The following ITGA8 variants were observed in gnomAD, a reference collection of about 807,000 sequenced individuals.
The protein encoded by ITGA8 is integrin subunit alpha 8, also known as integrin alpha-8.
ITGA8 carries 91 observed loss-of-function variants against 142.3 expected under a neutral mutation model. That is an observed-to-expected ratio of 0.64 (90% CI 0.54 to 0.76). ITGA8 has a LOEUF of 0.76. Among genes scored for constraint, ITGA8 ranks in the 30% least tolerant of loss-of-function variants. The pLI, the probability that ITGA8 is intolerant of heterozygous loss-of-function variation, is 0.00. For missense variants in ITGA8, 1,406 were observed against 1,327.7 expected (o/e 1.06, Z -0.92); for synonymous variants, 505 against 485.2 (o/e 1.04, Z -0.54).
chr10:15,564,989 A>G (rs1002498343), intron 25 of ITGA8, among the ~76,000 whole-genome samples: 1 of 152,236 alleles, frequency 6.6e-6, no homozygotes, highest in African/African-American at 2.4e-5. Context: ...GCAAAGCACA[A>G]CTAAAAGAAT....
chr10:15,647,816 CCTTTT>C (rs1834015462), intron 11 of ITGA8, among the ~76,000 whole-genome samples: 2 of 152,266 alleles, frequency 1.3e-5, no homozygotes, highest in Admixed American at 6.5e-5. Flanking sequence ...CCTTCCCTTT[CCTTTT>C]GTTAGCTCAA....
At chr10:15,558,315 G>A in intron 25 of ITGA8, 113 bp from the exon 26 acceptor site, 1 of 1,229,002 alleles carries the variant, frequency 8.1e-7, no homozygotes, top group Non-Finnish European at 1.1e-6. Context: ...TGATTCACAT[G>A]AGGATCCAGA....
chr10:15,583,638 T>C (rs1042776518), intron 23 of ITGA8, among the ~76,000 whole-genome samples: 1 of 152,132 alleles, frequency 6.6e-6, no homozygotes, highest in Non-Finnish European at 1.5e-5. Context: ...CATAACATTA[T>C]AGATCATTCC....
intron 6 of ITGA8, among the ~76,000 whole-genome samples, chr10:15,675,258 A>C (rs1177566173): frequency 6.6e-6 from 1 of 152,220 alleles, no homozygotes; most frequent in East Asian, 1.9e-4. Flanking sequence ...ACAACAGAAC[A>C]AGAAGTAAAC....
intron 4 of ITGA8, among the ~76,000 whole-genome samples, chr10:15,683,304 C>CCCATCCACCCAT (rs1376464136): frequency 1.9e-4 from 2 of 10,402 alleles, no homozygotes; most frequent in African/African-American, 4.2e-4. Flanking sequence ...CACCCATCCA[C>CCCATCCACCCAT]CCACCCACCC....
intron 4 of ITGA8, 70 bp downstream of exon 4, chr10:15,683,934 A>AG: frequency 1.3e-6 from 2 of 1,574,056 alleles, no homozygotes; most frequent in Admixed American, 1.8e-5. Context: ...TTTTGAGCCT[A>AG]CCTGCACTCC....
At chr10:15,681,932 G>A (rs1834745153) in intron 4 of ITGA8, among the ~76,000 whole-genome samples, 1 of 152,070 alleles carries the variant, frequency 6.6e-6, no homozygotes, top group Non-Finnish European at 1.5e-5. Flanking sequence ...CTTTGTTATT[G>A]TTTGTGGGAT....
intron 27 of ITGA8, among the ~76,000 whole-genome samples, chr10:15,540,674 T>A (rs1038701467): frequency 2.0e-5 from 3 of 152,166 alleles, no homozygotes; most frequent in African/African-American, 7.2e-5. Flanking sequence ...ATTCTTCTGG[T>A]GAATGGGCTG....
At chr10:15,602,436 TA>T (rs908323452) in intron 20 of ITGA8, among the ~76,000 whole-genome samples, 3 of 152,044 alleles carry the variant, frequency 2.0e-5, no homozygotes, top group South Asian at 2.1e-4. Context: ...TGAAGAGGAT[TA>T]AAAAAAATCA....
At chr10:15,531,877 G>A (rs1464984087) in intron 27 of ITGA8, among the ~76,000 whole-genome samples, 2 of 152,038 alleles carry the variant, frequency 1.3e-5, no homozygotes, top group Non-Finnish European at 2.9e-5. Context: ...CCTGGGGGGC[G>A]CAGGTTGCAG....
rs1007541863 is a variant in ITGA8, at chr10:15,676,163, CCTG to C, written c.676+1426_676+1428del. On this transcript the variant is annotated intron_variant, in intron 6 of 29. Transcript: ENST00000378076. Reference sequence around the variant, plus strand: ...CCTCCATTCTCACCTACGCTGCCCTCCTGCCTCCCACAGTACATCTGCACGTGG... The same window carrying C: ...CCTCCATTCTCACCTACGCTGCCCTCCCTCCCACAGTACATCTGCACGTGG... 6.9e-4 allele frequency among the ~76,000 whole-genome samples: 105 copies of C among 152,274 alleles called. 1 individual carries two copies. The highest frequency in any genetic ancestry group is 6.2e-3 in the Admixed American group (95 of 15,296).
At position 15,644,490 on chromosome 10, in the gene ITGA8, AT is replaced by A. The variant is rs1833940913; in HGVS notation, c.1208-270del. On this transcript the variant is annotated intron_variant, in intron 12 of 29. Coordinates refer to ENST00000378076, the MANE Select transcript of ITGA8 (RefSeq NM_003638.3). ...TATATATATATATATATATATATAT[AT>A]AGAATTTTTTTTTTTTTTTGAGCAA... 2.3e-3 allele frequency among the ~76,000 whole-genome samples: 22 copies of A among 9,748 alleles called. 1 individual carries two copies. The highest frequency in any genetic ancestry group is 7.9e-3 in the South Asian group (1 of 126). 6.4% of individuals were successfully genotyped at this position (9,748 alleles called of 152,430 possible). A position where few individuals can be genotyped will look rare whatever the true frequency, so the allele number is the denominator to read the frequency against.
chr10:15,659,093 C>G, intron 9 of ITGA8, 38 bp from the exon 10 acceptor site: 5 of 1,437,340 alleles, frequency 3.5e-6, no homozygotes, highest in South Asian at 1.3e-5. Flanking sequence ...CACCATTTGC[C>G]ATAGAATTGG....
At chr10:15,528,923 G>A (rs1833232861) in intron 28 of ITGA8, among the ~76,000 whole-genome samples, 1 of 151,998 alleles carries the variant, frequency 6.6e-6, no homozygotes, top group African/African-American at 2.4e-5. Flanking sequence ...TATTTTAACT[G>A]TGCACATCTA....
At chr10:15,534,990 C>G (rs1048862630) in intron 27 of ITGA8, among the ~76,000 whole-genome samples, 1 of 152,132 alleles carries the variant, frequency 6.6e-6, no homozygotes, top group Non-Finnish European at 1.5e-5. Flanking sequence ...GGGGGAGAGG[C>G]GCAGGCGGGA....
intron 2 of ITGA8, among the ~76,000 whole-genome samples, chr10:15,688,302 C>CAAAA (rs35060475): frequency 5.3e-4 from 60 of 112,768 alleles, no homozygotes; most frequent in Admixed American, 5.1e-4. Context: ...CAAAAAATAC[C>CAAAA]AAAAAAAAAA....
intron 27 of ITGA8, among the ~76,000 whole-genome samples, chr10:15,547,509 T>A (rs1423646050): frequency 6.6e-6 from 1 of 152,112 alleles, no homozygotes; most frequent in Non-Finnish European, 1.5e-5. Context: ...GAGGCAGAGG[T>A]TGCAGTGAGT....
chr10:15,601,044 A>G (rs1421555936), intron 20 of ITGA8, among the ~76,000 whole-genome samples: 1 of 152,150 alleles, frequency 6.6e-6, no homozygotes, highest in Non-Finnish European at 1.5e-5. Flanking sequence ...GTTCAAGACC[A>G]GTCTAGCCAA....
At chr10:15,601,601 T>G (rs1229238395) in intron 20 of ITGA8, among the ~76,000 whole-genome samples, 1 of 151,920 alleles carries the variant, frequency 6.6e-6, no homozygotes, top group Non-Finnish European at 1.5e-5. Flanking sequence ...ACTATCATAA[T>G]GATGATGATG....
Sources: gnomAD v4.1 joint callset for allele counts (sites outside exome capture counted in the v4.1 genomes callset) on GRCh38, gnomAD v4.1.1 for gene constraint, MANE v1.5 for transcripts, NCBI Gene and HGNC (gene_info 2026-07-23, HGNC 2026-07-21) for gene names.